Variants in FNDC3A observed in about 807,000 individuals in gnomAD.
The protein encoded by FNDC3A is fibronectin type-III domain-containing protein 3A.
A neutral mutation model predicts 148.9 loss-of-function variants in FNDC3A; 32 were observed. The observed-to-expected ratio is 0.21, with a 90% CI of 0.16 to 0.29. FNDC3A has a LOEUF of 0.29. Among genes scored for constraint, FNDC3A ranks in the 10% least tolerant of loss-of-function variants. The probability of loss-of-function intolerance (pLI) is 1.00; values close to 1 mark genes in which losing one functional copy is unlikely to be tolerated. For synonymous variants in FNDC3A, 472 were observed against 473.6 expected, an observed-to-expected ratio of 1.00 and a Z score of 0.04; for missense variants, 1,191 against 1,452.8, an observed-to-expected ratio of 0.82 and a Z score of 2.93.
Position 49,178,645 on chromosome 13 carries a change from T to C in FNDC3A, c.1608T>C (p.Tyr536=), listed in dbSNP as rs1177918161. Residue 536 remains tyrosine (Y), a synonymous_variant, in exon 14 of 26, where the codon TAT becomes TAC. Coordinates refer to ENST00000492622, the MANE Select transcript of FNDC3A (RefSeq NM_001079673.2). ...TVKNLRRSTK[Y]KFKVIAYNSE... ...AAAATCTCAGACGTAGTACTAAGTA[T>C]AAATTTAAGGTAAGCTTTGAAAACC... 1.3e-6 allele frequency: 2 copies of C among 1,543,676 alleles called. No individual in the cohort carries two copies. Among genetic ancestry groups the C allele is most frequent in the African/African-American group, 2.8e-5 (2 of 71,134 alleles).
At chr13:49,164,817 G>A (rs1318992964) in intron 8 of FNDC3A, among the ~76,000 whole-genome samples, 2 of 152,040 alleles carry the variant, frequency 1.3e-5, no homozygotes, top group African/African-American at 4.8e-5. Flanking sequence ...CGCCTTGTTG[G>A]GCAGGCTGGT....
intron 2 of FNDC3A, among the ~76,000 whole-genome samples, chr13:49,031,921 A>G (rs182084726): frequency 1.2e-4 from 19 of 152,326 alleles, no homozygotes; most frequent in Admixed American, 2.6e-4. Flanking sequence ...GCTTGTATTC[A>G]GAATGTGTGA....
intron 19 of FNDC3A, among the ~76,000 whole-genome samples, chr13:49,193,332 C>T (rs921471091): frequency 6.6e-6 from 1 of 152,118 alleles, no homozygotes; most frequent in African/African-American, 2.4e-5. Context: ...ATGATCATGG[C>T]TCACTGCAAC....
intron 8 of FNDC3A, among the ~76,000 whole-genome samples, chr13:49,152,512 G>GT (rs200709419): frequency 0.31 from 47,355 of 150,340 alleles, 7,482 homozygotes; most frequent in South Asian, 0.48. Context: ...AAAATTGTTT[G>GT]GTTTTTTTTT....
At chr13:49,029,940 C>G (rs1054044110) in intron 2 of FNDC3A, among the ~76,000 whole-genome samples, 2 of 151,990 alleles carry the variant, frequency 1.3e-5, no homozygotes, top group African/African-American at 4.8e-5. Context: ...ACACGTATAA[C>G]AAGTAAAGAG....
chr13:49,086,579 A>C (rs1180008366), intron 3 of FNDC3A, among the ~76,000 whole-genome samples: 1 of 152,212 alleles, frequency 6.6e-6, no homozygotes, highest in Non-Finnish European at 1.5e-5. Context: ...ACCAAGTTCT[A>C]CTGAAATTAT....
At chr13:49,097,093 T>A (rs1477212244) in intron 3 of FNDC3A, among the ~76,000 whole-genome samples, 6 of 151,952 alleles carry the variant, frequency 3.9e-5, no homozygotes. Context: ...TATGCCACGC[T>A]AGAGATTTCA....
intron 2 of FNDC3A, among the ~76,000 whole-genome samples, chr13:49,013,579 T>G (rs895730062): frequency 1.3e-5 from 2 of 151,538 alleles, no homozygotes; most frequent in East Asian, 1.9e-4. Flanking sequence ...TACATGTACA[T>G]GTGTATGCAA....
intron 13 of FNDC3A, among the ~76,000 whole-genome samples, chr13:49,178,314 G>T (rs746487592): frequency 2.6e-5 from 4 of 152,294 alleles, no homozygotes; most frequent in Middle Eastern, 6.8e-3. Flanking sequence ...TCAACACAAA[G>T]ATCGTCTTCT....
intron 1 of FNDC3A, 97 bp from the exon 2 acceptor site, chr13:49,006,055 A>C: frequency 2.1e-6 from 1 of 472,706 alleles, no homozygotes; most frequent in Non-Finnish European, 3.7e-6. Context: ...TGACAAGAAT[A>C]TCTCTTTAGG....
chr13:49,027,096 C>T (rs1297834675), intron 2 of FNDC3A, among the ~76,000 whole-genome samples: 1 of 151,942 alleles, frequency 6.6e-6, no homozygotes, highest in Non-Finnish European at 1.5e-5. Context: ...AAAAACAGTC[C>T]AATTCACATT....
chr13:49,033,588 C>T (rs1485248536), intron 2 of FNDC3A, among the ~76,000 whole-genome samples: 1 of 151,898 alleles, frequency 6.6e-6, no homozygotes, highest in Non-Finnish European at 1.5e-5. Context: ...GGAGAAGAAG[C>T]TGTTGAATCT....
chr13:49,005,063 T>C (rs906180502), intron 1 of FNDC3A, among the ~76,000 whole-genome samples: 1 of 151,928 alleles, frequency 6.6e-6, no homozygotes, highest in Non-Finnish European at 1.5e-5. Context: ...AATTAAATAA[T>C]ATAAAATGGC....
chr13:49,028,998 A>G (rs1007788979), intron 2 of FNDC3A, among the ~76,000 whole-genome samples: 1 of 152,120 alleles, frequency 6.6e-6, no homozygotes, highest in Non-Finnish European at 1.5e-5. Flanking sequence ...TCTTGAGACA[A>G]GGTTTTACTT....
rs192584622 is a variant in FNDC3A, at chr13:49,189,548, T to G, written c.1944+915T>G. On this transcript the variant is annotated intron_variant, in intron 17 of 25. Coordinates refer to ENST00000492622, the MANE Select transcript of FNDC3A (RefSeq NM_001079673.2). ...TCTTGGATCATTCATAATTGCTGGG[T>G]TTTTTTTTTGAAATGAAATTTAATG... is the stretch of plus-strand genomic sequence containing the variant. Among the ~76,000 whole-genome samples the G allele has an allele frequency of 5.9e-4, 87 of 146,926 alleles. No individual in the cohort carries two copies. The East Asian group carries it at 7.1e-3, about 12-fold the overall frequency.
chr13:49,106,812 GA>G (rs1880221592), intron 3 of FNDC3A, among the ~76,000 whole-genome samples: 1 of 124,168 alleles, frequency 8.1e-6, no homozygotes, highest in African/African-American at 3.1e-5. Flanking sequence ...AACAGAAACT[GA>G]AAAGAGCCCA....
rs1395238719 is a variant in FNDC3A at position 49,209,148 on chromosome 13, C to A, written c.*1753C>A. ...GATTGCGATTGTTTTCTAGAAACTT[C>A]TTTAAAGTGCCACATTTGGCAGTAC... On this transcript the variant is annotated 3_prime_UTR_variant, in exon 26 of 26. Coordinates refer to ENST00000492622, the MANE Select transcript of FNDC3A (RefSeq NM_001079673.2). 1 of 152,496 alleles carries A rather than the reference C, an allele frequency of 6.6e-6. No individual in the cohort carries two copies. The highest frequency in any genetic ancestry group is 1.5e-5 in the Non-Finnish European group (1 of 68,016). 9.4% of individuals were successfully genotyped at this position (152,496 alleles called of 1,614,324 possible). A position where few individuals can be genotyped will look rare whatever the true frequency, so the allele number is the denominator to read the frequency against.
intron 2 of FNDC3A, among the ~76,000 whole-genome samples, chr13:49,047,159 T>A (rs1439884810): frequency 6.6e-6 from 1 of 151,826 alleles, no homozygotes; most frequent in African/African-American, 2.4e-5. Context: ...TTTTTTTTTT[T>A]AATGCCTGAG....
At chr13:49,090,935 A>G (rs1220279144) in intron 3 of FNDC3A, among the ~76,000 whole-genome samples, 1 of 152,164 alleles carries the variant, frequency 6.6e-6, no homozygotes, top group Non-Finnish European at 1.5e-5. Context: ...TCAAGGTTGC[A>G]GTGAGCTATG....
Sources: allele counts gnomAD v4.1 joint callset (sites outside exome capture counted in the v4.1 genomes callset), GRCh38; gene constraint gnomAD v4.1.1; transcripts MANE v1.5; gene names NCBI Gene and HGNC (gene_info 2026-07-23, HGNC 2026-07-21).